NTRK1: variants seen among roughly 807,000 people sequenced by gnomAD.
NTRK1 encodes the protein neurotrophic receptor tyrosine kinase 1.
In NTRK1, 62 loss-of-function variants were observed where a neutral mutation model predicts 86.8. That is an observed-to-expected ratio of 0.71 (90% CI 0.58 to 0.88). NTRK1 has a LOEUF of 0.88. Ranked by LOEUF, NTRK1 falls within the 40% of genes least tolerant of loss-of-function variation. The probability of loss-of-function intolerance (pLI) is 0.00; values close to 1 mark genes in which losing one functional copy is unlikely to be tolerated. For synonymous variants in NTRK1, 469 were observed against 456.6 expected (o/e 1.03, Z -0.35); for missense variants, 967 against 1,078.4 (o/e 0.90, Z 1.45).
chr1:156,863,726 C>G (rs570763913), intron 1 of NTRK1, among the ~76,000 whole-genome samples: 1 of 151,906 alleles, frequency 6.6e-6, no homozygotes, highest in Admixed American at 6.6e-5. Flanking sequence ...GGCAGTGGCC[C>G]TTGGGCGGGC....
At chr1:156,819,587 C>T (rs555284334) in intron 1 of NTRK1, among the ~76,000 whole-genome samples, 2 of 152,024 alleles carry the variant, frequency 1.3e-5, no homozygotes, top group East Asian at 3.9e-4. Flanking sequence ...ATGGCATAAT[C>T]TCGGCTCACT....
chr1:156,859,178 T>C (rs1279713582), upstream of NTRK1, among the ~76,000 whole-genome samples: 1 of 119,800 alleles, frequency 8.3e-6, no homozygotes, highest in African/African-American at 3.2e-5. The surrounding 1 kb of genome is among the most constrained non-coding windows in gnomAD (Gnocchi z 6.2). Context: ...CCTAAACAGA[T>C]TGGTTCGCAG....
At chr1:156,867,024 G>T (rs767492284) in intron 4 of NTRK1, 46 bp downstream of exon 4, 1 of 1,590,044 alleles carries the variant, frequency 6.3e-7, no homozygotes, top group Non-Finnish European at 8.6e-7. Context: ...GTGTGTGTGT[G>T]CCTGTGTGCA....
At chr1:156,820,163 TG>T (rs1390544157) in intron 1 of NTRK1, among the ~76,000 whole-genome samples, 2 of 152,212 alleles carry the variant, frequency 1.3e-5, no homozygotes, top group South Asian at 2.1e-4. Context: ...AGGAGAGAGA[TG>T]GGGAACCAGT....
intron 1 of NTRK1, among the ~76,000 whole-genome samples, chr1:156,830,082 A>G (rs1459257112): frequency 1.3e-5 from 2 of 152,260 alleles, no homozygotes; most frequent in Non-Finnish European, 2.9e-5. Context: ...GCAGTGGGGC[A>G]GTCTCAGCAC....
rs193162681 is a variant in NTRK1 at position 156,876,686 on chromosome 1, T to A, written c.1805+114T>A. The A allele has an allele frequency of 5.3e-6, 7 of 1,326,690 alleles. No homozygotes were observed. The Admixed American group carries it at 1.2e-4, about 23-fold the overall frequency. 82.2% of individuals were successfully genotyped at this position (1,326,690 alleles called of 1,614,324 possible). On this transcript the variant is annotated intron_variant, in intron 14 of 16. Transcript: ENST00000524377. Reference sequence around the variant, plus strand: ...AACCAAGGGGAGACACCAAGAAAGATCAGGAAGGCACATTCCCGTCCCCAG... The same window carrying A: ...AACCAAGGGGAGACACCAAGAAAGAACAGGAAGGCACATTCCCGTCCCCAG...
chr1:156,841,827 G>C, intron 1 of NTRK1: 3 of 1,614,030 alleles, frequency 1.9e-6, no homozygotes, highest in Non-Finnish European at 2.5e-6. Context: ...GAGGAGGTGT[G>C]GGGCATAAGA....
At chr1:156,841,253 T>A in intron 1 of NTRK1, 2 of 968,124 alleles carry the variant, frequency 2.1e-6, no homozygotes, top group Non-Finnish European at 3.2e-6. Context: ...GTCTTGGGGG[T>A]TTGGGATAGG....
chr1:156,845,468 T>C (rs370308700), intron 2 of NTRK1: 2 of 1,518,954 alleles, frequency 1.3e-6, no homozygotes, highest in African/African-American at 1.4e-5. Context: ...CCCTGTGCCC[T>C]CTGCAGCGCG....
chr1:156,864,475 G>A (rs375918180), intron 2 of NTRK1, 47 bp downstream of exon 2: 1 of 1,591,832 alleles, frequency 6.3e-7, no homozygotes, highest in Middle Eastern at 1.7e-4. Flanking sequence ...ATGGGCCTGG[G>A]GGAGACCAGA....
At chr1:156,859,809 G>A (rs1655545510), upstream of NTRK1, among the ~76,000 whole-genome samples, 1 of 152,124 alleles carries the variant, frequency 6.6e-6, no homozygotes, top group Admixed American at 6.5e-5. The surrounding 1 kb of genome is among the most constrained non-coding windows in gnomAD (Gnocchi z 6.2). Flanking sequence ...GCTCCCTGGG[G>A]CCTTGCCTGT....
chr1:156,881,422 G>C (rs908190815), intron 16 of NTRK1, 35 bp from the exon 17 acceptor site: 1 of 1,548,628 alleles, frequency 6.5e-7, no homozygotes, highest in Non-Finnish European at 8.7e-7. Context: ...CCCCAGCCTA[G>C]TGGGCTTTCT....
intron 6 of NTRK1, among the ~76,000 whole-genome samples, chr1:156,870,801 A>C (rs1448418037): frequency 1.3e-5 from 2 of 152,238 alleles, no homozygotes; most frequent in African/African-American, 4.8e-5. Context: ...CAAAACAAAC[A>C]AAAAACCCAC....
At chr1:156,827,743 G>T (rs905896868) in intron 1 of NTRK1, among the ~76,000 whole-genome samples, 1 of 152,088 alleles carries the variant, frequency 6.6e-6, no homozygotes, top group Non-Finnish European at 1.5e-5. Flanking sequence ...GGTAACAAAA[G>T]AAGTGAAATA....
At chr1:156,846,728 C>A (rs760632037) in intron 2 of NTRK1, 1 of 1,614,070 alleles carries the variant, frequency 6.2e-7, no homozygotes, top group Non-Finnish European at 8.5e-7. Flanking sequence ...AGCATCTGGA[C>A]CCACGTGCTC....
chr1:156,867,053 C>A, intron 4 of NTRK1, 75 bp downstream of exon 4: 1 of 1,448,304 alleles, frequency 6.9e-7, no homozygotes, highest in Non-Finnish European at 9.7e-7. Flanking sequence ...TGTTGGATGA[C>A]ATTGGGTCAC....
Position 156,833,384 on chromosome 1 carries a change from C to T in NTRK1, c.-63-8697C>T, listed in dbSNP as rs532355910. On this transcript the variant is annotated intron_variant, in intron 1 of 16. Transcript: ENST00000392302. ...CCAGTCTGTCCAACATGGTGAAACC[C>T]CATCTCTACTAAAAATACCAAAATT... Among the ~76,000 whole-genome samples the T allele has an allele frequency of 2.6e-5, 4 of 152,152 alleles. No individual in the cohort carries two copies. The East Asian group carries it at 7.7e-4, about 29-fold the overall frequency.
At chr1:156,864,477 G>A (rs1800878) in intron 2 of NTRK1, 49 bp downstream of exon 2, 3 of 1,583,446 alleles carry the variant, frequency 1.9e-6, no homozygotes, top group Middle Eastern at 1.7e-4. Context: ...GGGCCTGGGG[G>A]AGACCAGAAG....
chr1:156,846,841 G>A (rs2102860360), intron 2 of NTRK1: 2 of 1,114,076 alleles, frequency 1.8e-6, no homozygotes, highest in East Asian at 4.8e-5. Context: ...CCCCAGGACT[G>A]TCATTGTCCT....
Sources: allele counts gnomAD v4.1 joint callset (sites outside exome capture counted in the v4.1 genomes callset), GRCh38; gene constraint gnomAD v4.1.1; non-coding constraint Gnocchi (gnomAD v3.1); transcripts MANE v1.5; gene names NCBI Gene and HGNC (gene_info 2026-07-23, HGNC 2026-07-21).